Variants in FBXL17 observed in about 807,000 individuals in gnomAD.
FBXL17 encodes F-box/LRR-repeat protein 17.
Under a neutral mutation model 66.2 loss-of-function variants are expected in FBXL17, and 22 were observed. That is an observed-to-expected ratio of 0.33 (90% CI 0.24 to 0.47). The LOEUF (loss-of-function observed/expected upper bound fraction) is 0.47. FBXL17 is among the 20% of genes least tolerant of loss of function. FBXL17 has a pLI of 1.00. For missense variants in FBXL17, 878 were observed against 948.2 expected (o/e 0.93, Z 0.97); for synonymous variants, 474 against 400.5 (o/e 1.18, Z -2.19).
intron 4 of FBXL17, among the ~76,000 whole-genome samples, chr5:108,259,278 T>C (rs1561492481): frequency 1.3e-5 from 2 of 152,198 alleles, no homozygotes; most frequent in African/African-American, 2.4e-5. Flanking sequence ...ATATGGGATA[T>C]GATGGTTTTG....
At chr5:107,998,973 T>C (rs1397419964) in intron 7 of FBXL17, among the ~76,000 whole-genome samples, 1 of 152,188 alleles carries the variant, frequency 6.6e-6, no homozygotes, top group Non-Finnish European at 1.5e-5. Context: ...TGAAGGCGAA[T>C]ACCATGCCCT....
chr5:107,879,908 T>A (rs1190801015), intron 8 of FBXL17: 2 of 985,334 alleles, frequency 2.0e-6, no homozygotes, highest in Non-Finnish European at 2.4e-6. Flanking sequence ...AGACCCGGCA[T>A]GAAGTCTTGC....
intron 6 of FBXL17, among the ~76,000 whole-genome samples, chr5:108,141,257 G>A (rs1004569448): frequency 5.9e-5 from 9 of 151,998 alleles, no homozygotes; most frequent in Non-Finnish European, 1.3e-4. Context: ...TCTCAGGTCC[G>A]GTGTTTTTCC....
intron 4 of FBXL17, among the ~76,000 whole-genome samples, chr5:108,328,176 GA>G (rs1437993787): frequency 6.6e-6 from 1 of 152,024 alleles, no homozygotes; most frequent in Non-Finnish European, 1.5e-5. Flanking sequence ...CTTCCCAAAA[GA>G]AAAATATGCT....
At chr5:108,009,385 T>A (rs1311431680) in intron 7 of FBXL17, among the ~76,000 whole-genome samples, 1 of 147,952 alleles carries the variant, frequency 6.8e-6, no homozygotes, top group Non-Finnish European at 1.5e-5. Context: ...TTCCTGAAGA[T>A]GAACTGAATT....
At chr5:107,861,997 G>T in intron 8 of FBXL17, 137 bp from the exon 9 acceptor site, 2 of 924,654 alleles carry the variant, frequency 2.2e-6, no homozygotes, top group Non-Finnish European at 1.5e-6. Flanking sequence ...ATGTGAGGAA[G>T]GGTTTTGTGA....
intron 8 of FBXL17, among the ~76,000 whole-genome samples, chr5:107,876,660 T>C (rs1003256351): frequency 6.6e-6 from 1 of 152,194 alleles, no homozygotes; most frequent in African/African-American, 2.4e-5. Flanking sequence ...CCCAAACATT[T>C]TTCATTAACC....
intron 7 of FBXL17, among the ~76,000 whole-genome samples, chr5:107,937,187 A>G (rs1222297413): frequency 6.6e-6 from 1 of 152,208 alleles, no homozygotes; most frequent in African/African-American, 2.4e-5. Context: ...TGAATTAGTG[A>G]CAAAAATATA....
intron 6 of FBXL17, among the ~76,000 whole-genome samples, chr5:108,075,880 A>G (rs894283203): frequency 6.6e-6 from 1 of 152,254 alleles, no homozygotes; most frequent in Non-Finnish European, 1.5e-5. Context: ...TTCTATGCAT[A>G]TATGTGTATA....
At chr5:108,112,361 G>A (rs1750070741) in intron 6 of FBXL17, among the ~76,000 whole-genome samples, 1 of 152,162 alleles carries the variant, frequency 6.6e-6, no homozygotes, top group Admixed American at 6.5e-5. Flanking sequence ...AATTCACAGG[G>A]CATTGAGTCA....
At chr5:107,871,069 A>AAAAACAAAAAAAAC (rs1554080843) in intron 8 of FBXL17, among the ~76,000 whole-genome samples, 2 of 130,174 alleles carry the variant, frequency 1.5e-5, no homozygotes, top group Non-Finnish European at 1.6e-5. Flanking sequence ...AAAAAAAAAA[A>AAAAACAAAAAAAAC]AAAAAAAAAA....
At chr5:107,870,850 T>C (rs1257137367) in intron 8 of FBXL17, among the ~76,000 whole-genome samples, 8 of 151,564 alleles carry the variant, frequency 5.3e-5, no homozygotes, top group Admixed American at 5.3e-4. Flanking sequence ...CTCCCCAAAG[T>C]GCTGGGTTAA....
At chr5:107,993,140 C>T (rs1351016951) in intron 7 of FBXL17, among the ~76,000 whole-genome samples, 1 of 152,134 alleles carries the variant, frequency 6.6e-6, no homozygotes, top group African/African-American at 2.4e-5. Context: ...CGTGATCCAC[C>T]CACCTTGGCC....
intron 3 of FBXL17, among the ~76,000 whole-genome samples, chr5:108,357,723 T>G (rs1301859620): frequency 1.4e-5 from 1 of 72,452 alleles, no homozygotes; most frequent in African/African-American, 4.0e-5. Flanking sequence ...AAATAACACG[T>G]TTTTTTTTTA....
At chr5:108,053,896 T>C (rs1412559988) in intron 6 of FBXL17, among the ~76,000 whole-genome samples, 1 of 151,970 alleles carries the variant, frequency 6.6e-6, no homozygotes, top group African/African-American at 2.4e-5. Context: ...ATAAAGAAAA[T>C]GTGGTACATA....
At chr5:108,131,797 A>G (rs1469518723) in intron 6 of FBXL17, among the ~76,000 whole-genome samples, 1 of 152,128 alleles carries the variant, frequency 6.6e-6, no homozygotes, top group Non-Finnish European at 1.5e-5. Context: ...ATTTCTAAAA[A>G]TTATCTCAAT....
chr5:108,209,555 C>G (rs1216205421), intron 5 of FBXL17, among the ~76,000 whole-genome samples: 1 of 152,122 alleles, frequency 6.6e-6, no homozygotes, highest in Non-Finnish European at 1.5e-5. Context: ...TTTTCTGCAT[C>G]TATTGAGATA....
intron 6 of FBXL17, among the ~76,000 whole-genome samples, chr5:108,143,374 C>CAT (rs749924086): frequency 9.9e-5 from 15 of 151,682 alleles, no homozygotes; most frequent in South Asian, 4.2e-4. Context: ...CACACACACA[C>CAT]ATATACAAAT....
intron 7 of FBXL17, among the ~76,000 whole-genome samples, chr5:108,020,266 T>C (rs1754539115): frequency 6.6e-6 from 1 of 151,900 alleles, no homozygotes; most frequent in Non-Finnish European, 1.5e-5. Flanking sequence ...AATACACAAA[T>C]GGTTAAGAAA....
Sources: allele counts gnomAD v4.1 joint callset (sites outside exome capture counted in the v4.1 genomes callset), GRCh38; gene constraint gnomAD v4.1.1; transcripts MANE v1.5; gene names NCBI Gene and HGNC (gene_info 2026-07-23, HGNC 2026-07-21).